NAALADL2: variants seen among roughly 807,000 people sequenced by gnomAD.
NAALADL2 encodes N-acetylated alpha-linked acidic dipeptidase like 2.
A neutral mutation model predicts 87.2 loss-of-function variants in NAALADL2; 76 were observed. The observed-to-expected ratio is 0.87, with a 90% CI of 0.72 to 1.05. The LOEUF is 1.05. Among genes scored for constraint, NAALADL2 ranks in the 50% least tolerant of loss-of-function variants. The pLI, the probability that NAALADL2 is intolerant of heterozygous loss-of-function variation, is 0.00. For synonymous variants in NAALADL2, 354 were observed against 331.0 expected (o/e 1.07, Z -0.75); for missense variants, 1,089 against 945.8 (o/e 1.15, Z -1.99).
chr3:174,576,767 G>T (rs1715572131), intron 2 of NAALADL2, among the ~76,000 whole-genome samples: 1 of 152,172 alleles, frequency 6.6e-6, no homozygotes, highest in Non-Finnish European at 1.5e-5. Context: ...AGGTTTAAAT[G>T]ATAGCTTCCT....
At chr3:175,144,648 T>C (rs1730503450) in intron 2 of NAALADL2, among the ~76,000 whole-genome samples, 2 of 152,068 alleles carry the variant, frequency 1.3e-5, no homozygotes, top group Admixed American at 1.3e-4. Flanking sequence ...ATACAGAATT[T>C]TGTGTGTTAC....
chr3:174,729,936 T>C (rs192208446), intron 2 of NAALADL2, among the ~76,000 whole-genome samples: 21 of 152,184 alleles, frequency 1.4e-4, no homozygotes, highest in Admixed American at 1.4e-3. Flanking sequence ...TAATTCCCTA[T>C]GGCATTTGGC....
chr3:175,544,325 T>C (rs1712912950), intron 9 of NAALADL2, among the ~76,000 whole-genome samples: 1 of 152,200 alleles, frequency 6.6e-6, no homozygotes, highest in Admixed American at 6.5e-5. Flanking sequence ...ATTCAAACAG[T>C]AATGTTAATT....
chr3:174,722,520 G>A (rs1011398440), intron 2 of NAALADL2, among the ~76,000 whole-genome samples: 14 of 152,186 alleles, frequency 9.2e-5, no homozygotes, highest in African/African-American at 3.4e-4. Context: ...GGCCAAGATG[G>A]TGAAACCCCA....
chr3:175,044,972 T>C (rs1754499162), intron 1 of NAALADL2, among the ~76,000 whole-genome samples: 1 of 152,016 alleles, frequency 6.6e-6, no homozygotes, highest in South Asian at 2.1e-4. Context: ...ATTATCCCTT[T>C]ACACATAATA....
intron 1 of NAALADL2, among the ~76,000 whole-genome samples, chr3:174,978,261 T>C (rs1222518033): frequency 6.6e-6 from 1 of 152,234 alleles, no homozygotes; most frequent in Non-Finnish European, 1.5e-5. Flanking sequence ...TAAGTTGATA[T>C]TTTCTTTCTT....
At chr3:174,506,684 G>A (rs1020178378) in intron 1 of NAALADL2, among the ~76,000 whole-genome samples, 1 of 152,098 alleles carries the variant, frequency 6.6e-6, no homozygotes, top group Non-Finnish European at 1.5e-5. Flanking sequence ...TTGCTAGAAA[G>A]ATGTAAGTTT....
intron 10 of NAALADL2, among the ~76,000 whole-genome samples, chr3:175,615,866 A>G (rs566263475): frequency 2.7e-5 from 4 of 148,202 alleles, no homozygotes; most frequent in South Asian, 2.1e-4. Context: ...CAAAAAATAT[A>G]TATATATATG....
intron 2 of NAALADL2, among the ~76,000 whole-genome samples, chr3:174,700,917 C>T (rs1729485154): frequency 6.6e-6 from 1 of 152,106 alleles, no homozygotes; most frequent in Non-Finnish European, 1.5e-5. Flanking sequence ...GTGCAATGGT[C>T]CTGTTGGATA....
chr3:174,752,386 G>A (rs1208971026), intron 3 of NAALADL2, among the ~76,000 whole-genome samples: 5 of 151,956 alleles, frequency 3.3e-5, no homozygotes, highest in Admixed American at 3.3e-4. Context: ...TAAGTTTTTA[G>A]GTTTTTATCT....
intron 5 of NAALADL2, among the ~76,000 whole-genome samples, chr3:175,427,237 C>T (rs950806271): frequency 5.3e-5 from 8 of 152,082 alleles, no homozygotes; most frequent in African/African-American, 1.9e-4. Flanking sequence ...CAATTTACAA[C>T]AGAAGAAAGG....
intron 5 of NAALADL2, among the ~76,000 whole-genome samples, chr3:175,408,009 C>A (rs1712721741): frequency 6.6e-6 from 1 of 151,992 alleles, no homozygotes; most frequent in Non-Finnish European, 1.5e-5. Flanking sequence ...TTAATAAAAT[C>A]TAATTTGTAA....
chr3:175,664,748 A>T (rs576128883), intron 11 of NAALADL2, among the ~76,000 whole-genome samples: 1 of 152,128 alleles, frequency 6.6e-6, no homozygotes, highest in African/African-American at 2.4e-5. Context: ...ACTCTAAATT[A>T]TTGTCATGTT....
rs148016084 is a variant in NAALADL2, at chr3:174,480,226, A to G, written c.-184+39194A>G. ...CAGAGCCTCTGCCATTGAAAAATAC[A>G]TTTGTCTGCCTGAGCATGAAGTGAT... On this transcript the variant is annotated intron_variant, in intron 1 of 3. Transcript: ENST00000434257. 5.6e-3 allele frequency among the ~76,000 whole-genome samples: 845 copies of G among 152,252 alleles called. 3 individuals are homozygous for G. Among genetic ancestry groups the G allele is most frequent in the Middle Eastern group, 0.01 (3 of 294 alleles).
chr3:175,524,832 AAGAT>A (rs1227094850), intron 9 of NAALADL2, among the ~76,000 whole-genome samples: 3 of 152,182 alleles, frequency 2.0e-5, no homozygotes, highest in African/African-American at 4.8e-5. Context: ...GTTAGCAAGT[AAGAT>A]AGATACATGT....
At chr3:174,826,495 G>A (rs959528228) in intron 3 of NAALADL2, among the ~76,000 whole-genome samples, 12 of 152,158 alleles carry the variant, frequency 7.9e-5, no homozygotes, top group Admixed American at 6.5e-4. Flanking sequence ...TGGCAAGCTA[G>A]CTACTACAGT....
At chr3:175,133,045 C>G (rs111702479) in intron 2 of NAALADL2, among the ~76,000 whole-genome samples, 1 of 145,852 alleles carries the variant, frequency 6.9e-6, no homozygotes, top group African/African-American at 2.6e-5. Context: ...ACATCCCAGA[C>G]GGGGCGGCGG....
intron 1 of NAALADL2, among the ~76,000 whole-genome samples, chr3:175,049,873 T>C (rs1429496309): frequency 6.6e-6 from 1 of 152,246 alleles, no homozygotes; most frequent in Admixed American, 6.5e-5. Context: ...CGCAATTAAA[T>C]ACAGCAAGTT....
chr3:174,548,834 T>C (rs1711734482), intron 1 of NAALADL2, among the ~76,000 whole-genome samples: 1 of 152,190 alleles, frequency 6.6e-6, no homozygotes, highest in Non-Finnish European at 1.5e-5. Context: ...GTTGCTAATA[T>C]ATATTTTATT....
Sources: gnomAD v4.1 joint callset for allele counts (sites outside exome capture counted in the v4.1 genomes callset) on GRCh38, gnomAD v4.1.1 for gene constraint, MANE v1.5 for transcripts, NCBI Gene and HGNC (gene_info 2026-07-23, HGNC 2026-07-21) for gene names.